The following SPINK5 variants were observed in gnomAD, a reference collection of about 807,000 sequenced individuals.
SPINK5 encodes serine protease inhibitor Kazal-type 5.
Under a neutral mutation model 151.8 loss-of-function variants are expected in SPINK5, and 125 were observed. The observed-to-expected ratio is 0.82, with a 90% confidence interval of 0.71 to 0.96. The LOEUF is 0.96. Among genes scored for constraint, SPINK5 ranks in the 40% least tolerant of loss-of-function variants. The pLI is 0.00. For synonymous variants in SPINK5, 374 were observed against 395.3 expected (o/e 0.95, Z 0.64); for missense variants, 1,194 against 1,291.9 (o/e 0.92, Z 1.16).
chr5:148,076,691 A>T (rs1172710870), intron 4 of SPINK5, among the ~76,000 whole-genome samples: 2 of 151,706 alleles, frequency 1.3e-5, no homozygotes, highest in Non-Finnish European at 3.0e-5. Context: ...TACTAAAAAA[A>T]ATCATGTTTG....
chr5:148,070,296 A>G, intron 2 of SPINK5, 27 bp from the exon 3 acceptor site: 2 of 1,611,074 alleles, frequency 1.2e-6, no homozygotes, highest in Non-Finnish European at 1.7e-6. Flanking sequence ...ACTTTTAGCT[A>G]ACACAACTTT....
chr5:148,119,649 T>C (rs1050168821), intron 24 of SPINK5, among the ~76,000 whole-genome samples: 1 of 152,232 alleles, frequency 6.6e-6, no homozygotes, highest in African/African-American at 2.4e-5. Context: ...CAAGTCCTTC[T>C]TATGCTTTAT....
intron 8 of SPINK5, among the ~76,000 whole-genome samples, chr5:148,092,130 T>C (rs1276407755): frequency 6.6e-6 from 1 of 151,950 alleles, no homozygotes; most frequent in African/African-American, 2.4e-5. Flanking sequence ...ACTGTGATTC[T>C]ACATCCTGCA....
In SPINK5 at chr5:148,091,160, A is replaced by G. The variant is rs928172624; in HGVS notation, c.603-5A>G. On this transcript the variant is annotated splice_polypyrimidine_tract_variant and splice_region_variant and intron_variant, in intron 7 of 32. Transcript: ENST00000256084. ...AACTGACCAACTGTTTACTTTTCTT[A>G]ACAGTTTAAAAGAAGCTGAAAATGC... 6.2e-7 allele frequency: 1 copy of G among 1,610,416 alleles called. No homozygotes were observed. Among genetic ancestry groups the G allele is most frequent in the Non-Finnish European group, 8.5e-7 (1 of 1,177,976 alleles).
intron 1 of SPINK5, 46 bp from the exon 2 acceptor site, chr5:148,065,301 A>C (rs1014069588): frequency 1.3e-6 from 2 of 1,595,398 alleles, no homozygotes; most frequent in Middle Eastern, 1.7e-4. Flanking sequence ...TTGTTTATTA[A>C]ATATTTTACA....
chr5:148,127,044 C>T lies in SPINK5; in HGVS notation c.2929C>T (p.Gln977Ter). The T allele has an allele frequency of 6.2e-7, 1 of 1,613,720 alleles. No homozygotes were observed. Among genetic ancestry groups the T allele is most frequent in the East Asian group, 2.2e-5 (1 of 44,858 alleles). ...AAAGCCATCCCATGTTAGAGCTTCT[C>T]AAGAGGAAGACAGCCCAGACTCTTT... ...QEKPSHVRASQEEDSPDSFSS... is the reference protein window; with the variant it reads ...QEKPSHVRAS Residue 977 changes from glutamine (Q) to a stop codon, truncating the protein, a stop_gained, in exon 30 of 33, where the codon CAA becomes TAA. Transcript: ENST00000256084. LOFTEE classifies it high-confidence loss of function.
intron 4 of SPINK5, among the ~76,000 whole-genome samples, chr5:148,079,785 T>A (rs1293196469): frequency 6.6e-6 from 1 of 151,218 alleles, no homozygotes; most frequent in Non-Finnish European, 1.5e-5. Context: ...GTGAAAAACC[T>A]ACAACTAACA....
chr5:148,124,942 C>G, intron 28 of SPINK5, 105 bp downstream of exon 28: 2 of 1,290,954 alleles, frequency 1.5e-6, no homozygotes, highest in African/African-American at 1.5e-5. Context: ...ATCTTAACTT[C>G]AAAGAAAATT....
Position 148,072,216 on chromosome 5 carries a change from C to T in SPINK5, c.278C>T (p.Thr93Ile). Reference sequence around the variant, plus strand: ...AGAGCTCCCAAGGCTACTGCCCCAACAGAGGTGAGACTATTTGGAGCCAAC... The same window carrying T: ...AGAGCTCCCAAGGCTACTGCCCCAATAGAGGTGAGACTATTTGGAGCCAAC... ...LARAPKATAP[T>I]ELNCDDFKKG... Residue 93 changes from threonine to isoleucine, a missense_variant, in exon 4 of 33, where the codon ACA becomes ATA. Coordinates refer to ENST00000256084, the MANE Select transcript of SPINK5 (RefSeq NM_006846.4). 2 of 1,612,058 alleles carry T rather than the reference C, an allele frequency of 1.2e-6. No homozygotes were observed. The highest frequency in any genetic ancestry group is 1.1e-5 in the South Asian group (1 of 91,064).
At chr5:148,068,113 G>A (rs778841343) in intron 2 of SPINK5, among the ~76,000 whole-genome samples, 4 of 152,096 alleles carry the variant, frequency 2.6e-5, no homozygotes, top group African/African-American at 4.8e-5. Flanking sequence ...AACTTGCAAA[G>A]TTGGCATTTG....
chr5:148,111,736 C>T lies in SPINK5; in HGVS notation c.1693-32C>T, dbSNP rs2287769. The T allele has an allele frequency of 0.11, 177,473 of 1,613,212 alleles. 14,465 individuals are homozygous for T. The highest frequency in any genetic ancestry group is 0.31 in the East Asian group (13,810 of 44,842). On this transcript the variant is annotated intron_variant, in intron 18 of 32. Transcript: ENST00000256084. ...AGATTTCTAGTGTTTAGTTATTGGA[C>T]TCTTAAAACCTGCTTCTGCTTCATT... is the stretch of plus-strand genomic sequence containing the variant.
intron 13 of SPINK5, 119 bp downstream of exon 13, chr5:148,100,700 G>T (rs1237494594): frequency 1.7e-6 from 2 of 1,165,694 alleles, no homozygotes; most frequent in Non-Finnish European, 2.5e-6. Context: ...GGCATATTTA[G>T]AGAAACTGTC....
In SPINK5 at chr5:148,099,310, T is replaced by C. The variant is rs1554104431; in HGVS notation, c.1087T>C (p.Tyr363His). The change falls in exon 12 of 33, where the codon TAT becomes CAT. Residue 363 changes from tyrosine to histidine, a missense_variant. Tyr to His is a moderately conservative substitution (Grantham distance 83). Coordinates refer to ENST00000256084, the MANE Select transcript of SPINK5 (RefSeq NM_006846.4). ...NKRESGKATS[Y>H]AELCSEYRKL... is the part of the protein sequence containing the mutation. ...AAGAGAATCTGGAAAAGCAACCTCA[T>C]ATGCAGTGAGTGGAATCCATCCAAT... 6 of 1,612,044 alleles carry C rather than the reference T, an allele frequency of 3.7e-6. No individual in the cohort carries two copies. The highest frequency in any genetic ancestry group is 3.3e-5 in the South Asian group (3 of 90,934).
chr5:148,117,236 C>G (rs562389513), intron 22 of SPINK5, among the ~76,000 whole-genome samples: 2 of 152,090 alleles, frequency 1.3e-5, no homozygotes, highest in Non-Finnish European at 2.9e-5. Flanking sequence ...ATCTTTTTTG[C>G]TTTAGGAGGC....
At chr5:148,133,658 A>G in intron 31 of SPINK5, 139 bp from the exon 32 acceptor site, 5 of 755,392 alleles carry the variant, frequency 6.6e-6, no homozygotes, top group Non-Finnish European at 1.2e-5. Flanking sequence ...AAATGAAAGT[A>G]GTTGAATGCA....
rs1205357792 is a variant in SPINK5 at position 148,120,141 on chromosome 5, G to A, written c.2441+5G>A. ...TACTATGTGTAAGGAAAAACTGTGA[G>A]TATGTTTCAAAATGAGCTTTTGACT... is the stretch of plus-strand genomic sequence containing the variant. On this transcript the variant is annotated splice_donor_5th_base_variant and intron_variant, in intron 25 of 32. Coordinates refer to ENST00000256084, the MANE Select transcript of SPINK5 (RefSeq NM_006846.4). 3 of 1,614,080 alleles carry A rather than the reference G, an allele frequency of 1.9e-6. No individual in the cohort carries two copies. The highest frequency in any genetic ancestry group is 1.3e-5 in the African/African-American group (1 of 75,048).
At chr5:148,064,193 T>C (rs551044093) in intron 1 of SPINK5, 94 bp downstream of exon 1, 2 of 1,287,152 alleles carry the variant, frequency 1.6e-6, no homozygotes, top group Admixed American at 3.4e-5. Context: ...AAAAAATGTT[T>C]ACGTATGCAT....
At chr5:148,078,253 G>A (rs1239091671) in intron 4 of SPINK5, among the ~76,000 whole-genome samples, 1 of 150,874 alleles carries the variant, frequency 6.6e-6, no homozygotes, top group African/African-American at 2.4e-5. Flanking sequence ...AATGATAAAT[G>A]TATACACACC....
rs1353086730 is a variant in SPINK5, at chr5:148,133,010, T to C, written c.3096-787T>C. Among the ~76,000 whole-genome samples the C allele has an allele frequency of 2.6e-5, 4 of 152,170 alleles. No homozygotes were observed. In the East Asian group the frequency reaches 7.7e-4, roughly 29 times the overall value. Reference sequence around the variant, plus strand: ...GTCAGGGCCTAAATTATCCATATAATTTTCTTCAACATTTTCATCAACTTT... The same window carrying C: ...GTCAGGGCCTAAATTATCCATATAACTTTCTTCAACATTTTCATCAACTTT... On this transcript the variant is annotated intron_variant, in intron 31 of 32. Coordinates refer to ENST00000256084, the MANE Select transcript of SPINK5 (RefSeq NM_006846.4).
Sources: allele counts gnomAD v4.1 joint callset (sites outside exome capture counted in the v4.1 genomes callset), GRCh38; gene constraint gnomAD v4.1.1; transcripts MANE v1.5; gene names NCBI Gene and HGNC (gene_info 2026-07-23, HGNC 2026-07-21).